The following SLC34A3 variants were observed in gnomAD, a reference collection of about 807,000 sequenced individuals.
SLC34A3 encodes the protein solute carrier family 34 member 3.
SLC34A3 carries 60 observed loss-of-function variants against 43.9 expected under a neutral mutation model. The ratio of observed to expected loss-of-function variants is 1.37; its 90% CI spans 1.11 to 1.70. SLC34A3 has a LOEUF of 1.70. Ranked by LOEUF, SLC34A3 falls within the 40% of genes most tolerant of loss-of-function variation. The pLI, the probability that SLC34A3 is intolerant of heterozygous loss-of-function variation, is 0.00. For synonymous variants in SLC34A3, 451 were observed against 386.2 expected, an observed-to-expected ratio of 1.17 and a Z score of -1.97; for missense variants, 969 against 823.8, an observed-to-expected ratio of 1.18 and a Z score of -2.16.
At position 137,234,552 on chromosome 9, in the gene SLC34A3, G is replaced by A. The variant is rs1021595614; in HGVS notation, c.1210+20G>A. The A allele has an allele frequency of 5.6e-6, 9 of 1,609,276 alleles. No individual in the cohort carries two copies. The African/African-American group carries it at 8.0e-5, about 14-fold the overall frequency. On this transcript the variant is annotated intron_variant, in intron 11 of 12. Coordinates refer to ENST00000673835, the MANE Select transcript of SLC34A3 (RefSeq NM_001177316.2). This position sits in a 1 kb window ranked among gnomAD's most constrained non-coding sequence, Gnocchi z 6.9. ...TCATGGGTGAGCAGGCAGGACAGAG[G>A]CCTCGGGAACGGGGGCTCGGGCTGG... is the stretch of plus-strand genomic sequence containing the variant.
chr9:137,236,105 C>T lies in SLC34A3; in HGVS notation c.1489C>T (p.Leu497=), dbSNP rs756578569. ...TGGGGTCTACCTGCTGCTCGGATTC[C>T]TGCTGCTGCCCCTGGCGGCCTTCGG... ...VAGVYLLLGF[L]LLPLAAFGLS... The change falls in exon 13 of 13, where the codon CTG becomes TTG. Residue 497 remains leucine, a synonymous_variant. Transcript: ENST00000673835. 1.2e-6 allele frequency: 2 copies of T among 1,612,040 alleles called. No homozygotes were observed. The highest frequency in any genetic ancestry group is 1.7e-6 in the Non-Finnish European group (2 of 1,179,766).
rs752628608 is a variant in SLC34A3, at chr9:137,233,653, G to A, written c.777G>A (p.Met259Ile). 6.2e-7 allele frequency: 1 copy of A among 1,612,664 alleles called. No homozygotes were observed. The highest frequency in any genetic ancestry group is 8.5e-7 in the Non-Finnish European group (1 of 1,179,940). ...LIVQLDSDMI[M>I]SSATGNATNS... ...CCCAGTTGGACTCCGACATGATCAT[G>A]AGCAGTGCCACAGGCAACGCCACTA... Residue 259 changes from methionine (M) to isoleucine (I), a missense_variant, in exon 8 of 13, where the codon ATG becomes ATA. Coordinates refer to ENST00000673835, the MANE Select transcript of SLC34A3 (RefSeq NM_001177316.2).
rs758456676 is a variant in SLC34A3, at chr9:137,233,070, C to T, written c.515C>T (p.Thr172Ile). 5.6e-6 allele frequency: 9 copies of T among 1,611,658 alleles called. No homozygotes were observed. Among genetic ancestry groups the T allele is most frequent in the Admixed American group, 3.3e-5 (2 of 59,996 alleles). Residue 172 changes from threonine (T) to isoleucine (I), a missense_variant, in exon 6 of 13, where the codon ACC (threonine) becomes ATC (isoleucine). By Grantham distance (89) the Thr-to-Ile change is moderately conservative. Transcript: ENST00000673835. Reference protein sequence around the residue: ...GVNVGTSITSTLVSMAQSGDR... With the variant: ...GVNVGTSITSILVSMAQSGDR... ...AACGTAGGCACATCCATCACCAGCA[C>T]CCTGGTCTCAATGGCGCAGTCAGGG...
At chr9:137,231,101 C>A in intron 1 of SLC34A3, 163 bp downstream of exon 1, 1 of 157,168 alleles carries the variant, frequency 6.4e-6, no homozygotes, top group Admixed American at 6.1e-5. Context: ...GACGCCTGGA[C>A]CTGAGCCCAG....
In SLC34A3 at chr9:137,232,172, A is replaced by G. The variant is rs1483473845; in HGVS notation, c.175+11A>G. 6.2e-7 allele frequency: 1 copy of G among 1,612,144 alleles called. No homozygotes were observed. Among genetic ancestry groups the G allele is most frequent in the African/African-American group, 1.3e-5 (1 of 75,030 alleles). On this transcript the variant is annotated intron_variant, in intron 3 of 12. Transcript: ENST00000673835. ...GCCAGCCCTGGAAAGGTGGGTCTGGAGGTTCCGGGGGTGGCAGGCTGGCAG... is the reference window on the plus strand; with the variant it reads ...GCCAGCCCTGGAAAGGTGGGTCTGGGGGTTCCGGGGGTGGCAGGCTGGCAG...
chr9:137,232,458 A>G, intron 3 of SLC34A3, 117 bp from the exon 4 acceptor site: 1 of 1,437,018 alleles, frequency 7.0e-7, no homozygotes, highest in Non-Finnish European at 9.5e-7. Flanking sequence ...GAAGAGGAGG[A>G]AATGGGACCC....
At position 137,234,938 on chromosome 9, in the gene SLC34A3, CCCTT is replaced by C. The variant is rs919626531; in HGVS notation, c.1335+208_1335+211del. The stretch of plus-strand genomic sequence containing the variant: ...ATTTCACACCCTCCCTGCGTCTCCT[CCCTT>C]GAGACCTCCTCACTTCCACATTTTC... On this transcript the variant is annotated intron_variant, in intron 12 of 12. Transcript: ENST00000673835. The surrounding 1 kb of genome is among the most constrained non-coding windows in gnomAD (Gnocchi z 6.9). Among the ~76,000 whole-genome samples the C allele has an allele frequency of 2.0e-5, 3 of 152,162 alleles. No homozygotes were observed. Among genetic ancestry groups the C allele is most frequent in the Non-Finnish European group, 4.4e-5 (3 of 68,018 alleles).
At position 137,231,751 on chromosome 9, in the gene SLC34A3, G is replaced by A. The variant is rs757872964; in HGVS notation, c.49G>A (p.Ala17Thr). The stretch of plus-strand genomic sequence containing the variant: ...CCAGGTCCCCCACCCCACTCTGGAC[G>A]CGGTTGACCTAGTGGAAAAGACTCT... ...GSQVPHPTLDAVDLVEKTLRN... is the reference protein window; with the variant it reads ...GSQVPHPTLDTVDLVEKTLRN... The change falls in exon 2 of 13, where the codon GCG becomes ACG. Residue 17 changes from alanine to threonine, a missense_variant. Ala to Thr is a moderately conservative substitution (Grantham distance 58). Transcript: ENST00000673835. 25 of 1,613,026 alleles carry A rather than the reference G, an allele frequency of 1.5e-5. No individual in the cohort carries two copies. The highest frequency in any genetic ancestry group is 1.9e-5 in the Non-Finnish European group (22 of 1,179,984).
intron 8 of SLC34A3, 21 bp downstream of exon 8, chr9:137,233,743 C>T: frequency 1.2e-6 from 2 of 1,609,384 alleles, no homozygotes; most frequent in Non-Finnish European, 1.7e-6. Context: ...CAACCCTAGG[C>T]CCTCACTGAC....
In SLC34A3 at chr9:137,232,860, G is replaced by A. The variant is rs1476343192; in HGVS notation, c.381G>A (p.Leu127=). 2 of 1,612,572 alleles carry A rather than the reference G, an allele frequency of 1.2e-6. No homozygotes were observed. The highest frequency in any genetic ancestry group is 2.2e-5 in the East Asian group (1 of 44,828). The change falls in exon 5 of 13, where the codon CTG becomes CTA. Residue 127 remains leucine, a synonymous_variant. Transcript: ENST00000673835. ...NPVAGLVIGV[L]VTALVQSSST... is the part of the protein sequence containing the mutation. ...TGGCTGGACTGGTCATTGGCGTGCT[G>A]GTCACAGCCCTGGTGCAGAGTTCCA...
At chr9:137,235,162 T>C (rs1418549059) in intron 12 of SLC34A3, among the ~76,000 whole-genome samples, 2 of 151,718 alleles carry the variant, frequency 1.3e-5, no homozygotes, top group African/African-American at 4.8e-5. Flanking sequence ...GTCCCACCGA[T>C]GCTGGGCCCT....
Position 137,232,580 on chromosome 9 carries a change from C to CGCGTTT in SLC34A3, c.185_186insTTGCGT (p.Val62_Ala63insCysVal). 6.2e-7 allele frequency: 1 copy of CGCGTTT among 1,609,036 alleles called. No homozygotes were observed. Among genetic ancestry groups the CGCGTTT allele is most frequent in the Non-Finnish European group, 8.5e-7 (1 of 1,178,260 alleles). ...AGCCTGCCCTGTGTCCTCAGAGCTC[C>CGCGTTT]GCGTGGCCGGCAGGCTGCGCCGCGT... is the stretch of plus-strand genomic sequence containing the variant. On this transcript the variant is annotated inframe_insertion, in exon 4 of 13. Transcript: ENST00000673835.
At position 137,234,070 on chromosome 9, in the gene SLC34A3, C is replaced by A; in HGVS notation, c.926-39C>A. On this transcript the variant is annotated intron_variant, in intron 9 of 12. Coordinates refer to ENST00000673835, the MANE Select transcript of SLC34A3 (RefSeq NM_001177316.2). The surrounding 1 kb of genome is among the most constrained non-coding windows in gnomAD (Gnocchi z 6.9). ...GAGGCCCGGCCCACCCCGGCCCACCCCCCAGGCTCCCCCTCACCTGCCCCT... is the reference window on the plus strand; with the variant it reads ...GAGGCCCGGCCCACCCCGGCCCACCACCCAGGCTCCCCCTCACCTGCCCCT... 6.7e-7 allele frequency: 1 copy of A among 1,488,460 alleles called. No individual in the cohort carries two copies. The highest frequency in any genetic ancestry group is 2.5e-5 in the East Asian group (1 of 40,570). 92.2% of individuals were successfully genotyped at this position (1,488,460 alleles called of 1,614,324 possible).
intron 3 of SLC34A3, 59 bp from the exon 4 acceptor site, chr9:137,232,516 G>T: frequency 6.2e-7 from 1 of 1,604,646 alleles, no homozygotes; most frequent in South Asian, 1.1e-5. Flanking sequence ...TGAGGGGCCT[G>T]GGAGGGAGAC....
At position 137,234,637 on chromosome 9, in the gene SLC34A3, AC is replaced by A. The variant is rs747481987; in HGVS notation, c.1246del (p.Leu416SerfsTer65). The A allele has an allele frequency of 1.9e-6, 3 of 1,611,936 alleles. No homozygotes were observed. The highest frequency in any genetic ancestry group is 4.5e-5 in the East Asian group (2 of 44,854). ...GVGVISLDRA[Y>X]PLLLGSNIGT... is the part of the protein sequence containing the mutation. ...GGGGTGATCAGTCTGGACCGGGCGT[AC>A]CCCCTCTTACTGGGCTCCAACATCG... On this transcript the variant is annotated frameshift_variant, in exon 12 of 13. Coordinates refer to ENST00000673835, the MANE Select transcript of SLC34A3 (RefSeq NM_001177316.2). LOFTEE classifies it high-confidence loss of function. The surrounding 1 kb of genome is among the most constrained non-coding windows in gnomAD (Gnocchi z 6.9).
In SLC34A3 at chr9:137,234,513, G is replaced by C; in HGVS notation, c.1191G>C (p.Ala397=). 6.2e-7 allele frequency: 1 copy of C among 1,605,034 alleles called. No individual in the cohort carries two copies. The highest frequency in any genetic ancestry group is 8.5e-7 in the Non-Finnish European group (1 of 1,177,918). Residue 397 remains alanine, a synonymous_variant, in exon 11 of 13, where the codon GCG becomes GCC. Transcript: ENST00000673835. This position sits in a 1 kb window ranked among gnomAD's most constrained non-coding sequence, Gnocchi z 6.9. The part of the protein sequence containing the change: ...FALQSSSVFT[A]AVVPLMGVGV... ...TGCAGAGCAGCAGCGTCTTCACGGCGGCCGTCGTGCCCCTCATGGGTGAGC... is the reference window on the plus strand; with the variant it reads ...TGCAGAGCAGCAGCGTCTTCACGGCCGCCGTCGTGCCCCTCATGGGTGAGC...
chr9:137,234,286 T>C lies in SLC34A3; in HGVS notation c.1093+10T>C, dbSNP rs1412630410. On this transcript the variant is annotated intron_variant, in intron 10 of 12. Coordinates refer to ENST00000673835, the MANE Select transcript of SLC34A3 (RefSeq NM_001177316.2). This position sits in a 1 kb window ranked among gnomAD's most constrained non-coding sequence, Gnocchi z 6.9. ...ACAGTCATCAATGCGGGTGAGGGCG[T>C]GGGAGGAGGTGCGGTGGCCAGGGCT... is the stretch of plus-strand genomic sequence containing the variant. The C allele has an allele frequency of 5.0e-6, 8 of 1,609,644 alleles. No homozygotes were observed. In the Admixed American group the frequency reaches 6.7e-5, roughly 13 times the overall value.
intron 8 of SLC34A3, 57 bp downstream of exon 8, chr9:137,233,779 T>TTGCGCCCCCCC: frequency 6.9e-7 from 1 of 1,445,820 alleles, no homozygotes; most frequent in Non-Finnish European, 9.6e-7. Flanking sequence ...TGCTGAGTCA[T>TTGCGCCCCCCC]CCCGCCCCAC....
chr9:137,233,434 A>C, intron 7 of SLC34A3, 30 bp downstream of exon 7: 1 of 1,591,608 alleles, frequency 6.3e-7, no homozygotes, highest in Non-Finnish European at 8.5e-7. Context: ...CCGCCCAGAG[A>C]GCCTGAGCAG....
Sources: allele counts gnomAD v4.1 joint callset (sites outside exome capture counted in the v4.1 genomes callset), GRCh38; gene constraint gnomAD v4.1.1; non-coding constraint Gnocchi (gnomAD v3.1); transcripts MANE v1.5; gene names NCBI Gene and HGNC (gene_info 2026-07-23, HGNC 2026-07-21).